The following TRAF2 variants were observed in gnomAD, a reference collection of about 807,000 sequenced individuals.
TRAF2 encodes TNF receptor-associated factor 2.
In TRAF2, 6 loss-of-function variants were observed where a neutral mutation model predicts 55.6. That is an observed-to-expected ratio of 0.11 (90% confidence interval 0.06 to 0.21). The LOEUF (loss-of-function observed/expected upper bound fraction) is 0.21, where lower values mean the gene tolerates loss of function less well. TRAF2 is among the 10% of genes least tolerant of loss of function. The pLI, the probability that TRAF2 is intolerant of heterozygous loss-of-function variation, is 1.00. For missense variants in TRAF2, 561 were observed against 684.5 expected (o/e 0.82, Z 2.01); for synonymous variants, 329 against 276.3 (o/e 1.19, Z -1.89).
intron 6 of TRAF2, chr9:136,910,202 C>T: frequency 1.6e-6 from 1 of 608,116 alleles, no homozygotes; most frequent in Non-Finnish European, 2.9e-6. Context: ...AGTCCCGAGC[C>T]CTCTTCCTCA....
chr9:136,918,394 C>G (rs565960991), intron 7 of TRAF2, among the ~76,000 whole-genome samples: 1 of 151,544 alleles, frequency 6.6e-6, no homozygotes, highest in South Asian at 2.1e-4. Context: ...CTCAGCCTCC[C>G]AAGTAGGTGA....
At chr9:136,888,328 G>A (rs1191689024) in intron 1 of TRAF2, among the ~76,000 whole-genome samples, 1 of 152,154 alleles carries the variant, frequency 6.6e-6, no homozygotes, top group African/African-American at 2.4e-5. Context: ...CTACTCCGGA[G>A]GCTGAGGCAG....
At chr9:136,903,551 A>ACTGTG (rs1849872049) in intron 4 of TRAF2, among the ~76,000 whole-genome samples, 2 of 83,386 alleles carry the variant, frequency 2.4e-5, no homozygotes, top group Non-Finnish European at 5.1e-5. Context: ...TTTTTTTTTA[A>ACTGTG]ACTGTGTCTG....
chr9:136,909,876 G>A, intron 5 of TRAF2, 44 bp from the exon 6 acceptor site: 1 of 1,607,192 alleles, frequency 6.2e-7, no homozygotes. Context: ...ACCCGCGCCT[G>A]GCATTGGCGT....
chr9:136,905,961 C>T (rs540405330), intron 4 of TRAF2, among the ~76,000 whole-genome samples: 30 of 152,216 alleles, frequency 2.0e-4, no homozygotes, highest in Non-Finnish European at 2.9e-4. Context: ...AAAAATTAGC[C>T]GGGTGTGGTG....
Position 136,921,071 on chromosome 9 carries a change from G to C in TRAF2, c.994G>C (p.Asp332His). Residue 332 changes from aspartate (D) to histidine (H), a missense_variant, in exon 9 of 11, where the codon GAC (aspartate) becomes CAC (histidine). By Grantham distance (81) the Asp-to-His change is moderately conservative (BLOSUM62 -1). Around this residue, in one of 2 missense-constraint regions of TRAF2, gnomAD observed 426 missense variants for 476.8 expected, o/e 0.89. Coordinates refer to ENST00000247668, the MANE Select transcript of TRAF2 (RefSeq NM_021138.4). The stretch of plus-strand genomic sequence containing the variant: ...GCTGGAGAGGAGCATTGGCCTCAAG[G>C]ACCTGGCGATGGCTGACTTGGAGCA... ...QQLERSIGLK[D>H]LAMADLEQKV... 1 of 1,614,058 alleles carries C rather than the reference G, an allele frequency of 6.2e-7. No homozygotes were observed. The highest frequency in any genetic ancestry group is 8.5e-7 in the Non-Finnish European group (1 of 1,180,006).
chr9:136,902,726 G>A (rs762727650), intron 4 of TRAF2, among the ~76,000 whole-genome samples: 1 of 152,198 alleles, frequency 6.6e-6, no homozygotes, highest in African/African-American at 2.4e-5. Flanking sequence ...CACACATGGG[G>A]ACGGAAATCA....
At chr9:136,911,751 C>T (rs116451211) in intron 6 of TRAF2, among the ~76,000 whole-genome samples, 1,891 of 151,078 alleles carry the variant, frequency 0.013, 40 homozygotes, top group African/African-American at 0.044. Flanking sequence ...TGTCCTGGGG[C>T]TGTCTGTGCC....
Position 136,924,086 on chromosome 9 carries a change from G to A in TRAF2, c.1287+86G>A, listed in dbSNP as rs563810949. Reference sequence around the variant, plus strand: ...GCTTCTGTGGTGCAGGGTTGTGCGGGACAAGGTGGCTTGGGCTCGCTGGAC... The same window carrying A: ...GCTTCTGTGGTGCAGGGTTGTGCGGAACAAGGTGGCTTGGGCTCGCTGGAC... On this transcript the variant is annotated intron_variant, in intron 10 of 10. Transcript: ENST00000247668. 2.9e-5 allele frequency: 45 copies of A among 1,526,356 alleles called. 1 individual carries two copies. The South Asian group carries it at 4.9e-4, about 17-fold the overall frequency. 94.6% of individuals were successfully genotyped at this position (1,526,356 alleles called of 1,614,324 possible). A position where few individuals can be genotyped will look rare whatever the true frequency, so the allele number is the denominator to read the frequency against.
intron 3 of TRAF2, among the ~76,000 whole-genome samples, 195 bp downstream of exon 3, chr9:136,899,867 G>A (rs1849773855): frequency 6.6e-6 from 1 of 151,578 alleles, no homozygotes; most frequent in Non-Finnish European, 1.5e-5. Flanking sequence ...TCTACAAAAA[G>A]CAAAAAACTT....
intron 1 of TRAF2, among the ~76,000 whole-genome samples, chr9:136,891,065 A>T (rs1167783079): frequency 6.6e-6 from 1 of 152,038 alleles, no homozygotes; most frequent in Non-Finnish European, 1.5e-5. Context: ...CCACAGATGC[A>T]TGCCATCACA....
chr9:136,924,268 C>T (rs1424291410), intron 10 of TRAF2, among the ~76,000 whole-genome samples: 2 of 152,242 alleles, frequency 1.3e-5, no homozygotes, highest in African/African-American at 4.8e-5. Context: ...TAAGAAAAAG[C>T]ACAAGGCCGA....
rs762103629 is a variant in TRAF2, at chr9:136,920,455, C to T, written c.900C>T (p.Ala300=). ...NREVERVAMT[A]EACSRQHRLD... The stretch of plus-strand genomic sequence containing the variant: ...AGGTGGAGAGGGTGGCCATGACTGC[C>T]GAGGCCTGCAGCCGGCAGCACCGGC... Residue 300 remains alanine (A), a synonymous_variant, in exon 8 of 11, where the codon GCC becomes GCT. Transcript: ENST00000247668. 4.1e-5 allele frequency: 66 copies of T among 1,613,496 alleles called. No homozygotes were observed. The highest frequency in any genetic ancestry group is 1.9e-4 in the African/African-American group (14 of 74,894).
At chr9:136,905,623 A>G (rs1849929650) in intron 4 of TRAF2, among the ~76,000 whole-genome samples, 1 of 152,260 alleles carries the variant, frequency 6.6e-6, no homozygotes, top group African/African-American at 2.4e-5. Context: ...TTGAAGAAAC[A>G]GCAGATTTTC....
At chr9:136,908,302 C>G in intron 5 of TRAF2, 71 bp downstream of exon 5, 1 of 1,450,174 alleles carries the variant, frequency 6.9e-7, no homozygotes, top group Non-Finnish European at 9.1e-7. Context: ...TGCGTGCTGG[C>G]CACTGCGGCT....
intron 1 of TRAF2, among the ~76,000 whole-genome samples, chr9:136,889,097 G>C (rs1044849768): frequency 2.0e-5 from 3 of 152,102 alleles, no homozygotes; most frequent in African/African-American, 7.2e-5. Context: ...ATCTGATCTC[G>C]TGATCCGCCC....
Position 136,916,529 on chromosome 9 carries a change from A to T in TRAF2, c.604-12A>T. The T allele has an allele frequency of 1.9e-6, 3 of 1,613,414 alleles. No homozygotes were observed. The African/African-American group carries it at 4.0e-5, about 22-fold the overall frequency. On this transcript the variant is annotated splice_polypyrimidine_tract_variant and intron_variant, in intron 6 of 10. Transcript: ENST00000247668. The stretch of plus-strand genomic sequence containing the variant: ...CAGAGAAAGATGGCTCTGTGACGTC[A>T]CTCCCTTGTAGTTTCAGGACCACGT...
chr9:136,885,297 G>A (rs1342603216), upstream of TRAF2, among the ~76,000 whole-genome samples: 2 of 152,156 alleles, frequency 1.3e-5, no homozygotes, highest in Admixed American at 6.5e-5. Flanking sequence ...ACTTACCTCC[G>A]TGAACGTTTC....
chr9:136,886,481 C>T (rs367615745), upstream of TRAF2: 3 of 1,004,220 alleles, frequency 3.0e-6, no homozygotes, highest in East Asian at 1.1e-4. Flanking sequence ...GCGGCGGCGG[C>T]GGCGGCGTTG....
Sources: allele counts gnomAD v4.1 joint callset (sites outside exome capture counted in the v4.1 genomes callset), GRCh38; gene constraint gnomAD v4.1.1; regional missense constraint gnomAD v4.1.1; transcripts MANE v1.5; gene names NCBI Gene and HGNC (gene_info 2026-07-23, HGNC 2026-07-21).